Variants in FAM228B observed in about 807,000 individuals in gnomAD.
FAM228B encodes family with sequence similarity 228 member B.
Under a neutral mutation model 42.6 loss-of-function variants are expected in FAM228B, and 38 were observed. That is an observed-to-expected ratio of 0.89 (90% confidence interval 0.69 to 1.17). The LOEUF (loss-of-function observed/expected upper bound fraction) is 1.17. Ranked by LOEUF, FAM228B falls within the 50% of genes most tolerant of loss-of-function variation. FAM228B has a pLI of 0.00. For missense variants in FAM228B, 344 were observed against 367.3 expected, an observed-to-expected ratio of 0.94 and a Z score of 0.52; for synonymous variants, 109 against 122.3, an observed-to-expected ratio of 0.89 and a Z score of 0.72.
chr2:24,100,439 A>G (rs543237678), intron 3 of FAM228B, among the ~76,000 whole-genome samples: 2 of 152,308 alleles, frequency 1.3e-5, no homozygotes, highest in Non-Finnish European at 2.9e-5. Flanking sequence ...AATCCCATCA[A>G]AAAGTGGGTG....
Position 24,080,912 on chromosome 2 carries a change from T to C in FAM228B, c.-253T>C. On this transcript the variant is annotated 5_prime_UTR_variant, in exon 2 of 11. Coordinates refer to the FAM228B transcript ENST00000613899. The surrounding 1 kb of genome is among the most constrained non-coding windows in gnomAD (Gnocchi z 4.7). ...AGCTTTTCTGCCATTTGAAGCTTCT[T>C]CTGGGAGCCAGCTGTGACCAGAGGA... 1 of 1,614,214 alleles carries C rather than the reference T, an allele frequency of 6.2e-7. No individual in the cohort carries two copies. Among genetic ancestry groups the C allele is most frequent in the Non-Finnish European group, 8.5e-7 (1 of 1,180,038 alleles).
rs1422120309 is a variant in FAM228B at position 24,146,916 on chromosome 2, TA to T, written c.530-13del. 2.6e-6 allele frequency: 4 copies of T among 1,549,734 alleles called. No individual in the cohort carries two copies. In the South Asian group the frequency reaches 4.8e-5, roughly 18 times the overall value. Reference sequence around the variant, plus strand: ...ATTTAAGGATGTTAATTTAGATTTTTATTCTTCCTTCAGGCAAAATATATTC... The same window carrying T: ...ATTTAAGGATGTTAATTTAGATTTTTTTCTTCCTTCAGGCAAAATATATTC... On this transcript the variant is annotated splice_polypyrimidine_tract_variant and intron_variant, in intron 6 of 10. Transcript: ENST00000615575.
chr2:24,086,152 G>A (rs1665240227), intron 2 of FAM228B, among the ~76,000 whole-genome samples: 2 of 149,800 alleles, frequency 1.3e-5, no homozygotes, highest in Non-Finnish European at 3.0e-5. Context: ...GGAGAATGGC[G>A]TGAACCCGGG....
chr2:24,136,643 G>A (rs186876218), intron 3 of FAM228B, among the ~76,000 whole-genome samples: 3 of 152,266 alleles, frequency 2.0e-5, no homozygotes, highest in East Asian at 1.9e-4. Flanking sequence ...GATTACCGGC[G>A]TGAGCCACCG....
At chr2:24,091,451 A>C (rs986199019) in intron 2 of FAM228B, among the ~76,000 whole-genome samples, 1 of 152,194 alleles carries the variant, frequency 6.6e-6, no homozygotes, top group African/African-American at 2.4e-5. Flanking sequence ...CAAAAACAAA[A>C]AACAAACAAA....
intron 1 of FAM228B, chr2:24,079,439 C>G: frequency 6.2e-7 from 1 of 1,613,432 alleles, no homozygotes; most frequent in Non-Finnish European, 8.5e-7. Context: ...TCATTCATCA[C>G]TCACCTTATT....
chr2:24,104,049 C>T (rs765348274), intron 3 of FAM228B, among the ~76,000 whole-genome samples: 9 of 152,074 alleles, frequency 5.9e-5, no homozygotes, highest in Non-Finnish European at 1.0e-4. Flanking sequence ...AGCTGCAGGC[C>T]GATCATCTGA....
At chr2:24,155,739 C>T (rs1463556135) in intron 7 of FAM228B, among the ~76,000 whole-genome samples, 2 of 151,594 alleles carry the variant, frequency 1.3e-5, no homozygotes, top group African/African-American at 4.9e-5. Flanking sequence ...CAGGGTTTCA[C>T]CGTGTTGGCC....
chr2:24,145,690 G>A (rs544729214), intron 5 of FAM228B, among the ~76,000 whole-genome samples: 52 of 145,664 alleles, frequency 3.6e-4, no homozygotes, highest in African/African-American at 1.3e-3. Flanking sequence ...GAAAATGATA[G>A]TACCTTTTTT....
At chr2:24,103,409 G>T (rs955759566) in intron 3 of FAM228B, among the ~76,000 whole-genome samples, 1 of 152,152 alleles carries the variant, frequency 6.6e-6, no homozygotes, top group Non-Finnish European at 1.5e-5. Context: ...TGAACCATCA[G>T]GACATAAAGT....
chr2:24,087,408 T>C (rs1342905939), intron 2 of FAM228B: 1 of 152,162 alleles, frequency 6.6e-6, no homozygotes, highest in Non-Finnish European at 1.5e-5. Context: ...TATTTTGTTC[T>C]CCTGCAGAGC....
At chr2:24,141,491 G>A (rs956520564) in intron 5 of FAM228B, among the ~76,000 whole-genome samples, 7 of 152,178 alleles carry the variant, frequency 4.6e-5, no homozygotes, top group South Asian at 2.1e-4. Context: ...TGATCCACCC[G>A]CCTCGACCTC....
At position 24,169,013 on chromosome 2, in the gene FAM228B, T is replaced by C. The variant is rs767302516; in HGVS notation, c.*15-343T>C. Reference sequence around the variant, plus strand: ...AAAAGGGAAGAAAGGAACCTAGTATTTTCTAAATCACAACAATCCAAGTGG... The same window carrying C: ...AAAAGGGAAGAAAGGAACCTAGTATCTTCTAAATCACAACAATCCAAGTGG... On this transcript the variant is annotated intron_variant, in intron 10 of 10. Coordinates refer to ENST00000615575, the MANE Select transcript of FAM228B (RefSeq NM_001145710.2). The surrounding 1 kb of genome is among the most constrained non-coding windows in gnomAD (Gnocchi z 4.2). 6.6e-6 allele frequency among the ~76,000 whole-genome samples: 1 copy of C among 152,184 alleles called. No homozygotes were observed. The highest frequency in any genetic ancestry group is 1.5e-5 in the Non-Finnish European group (1 of 68,028).
intron 3 of FAM228B, among the ~76,000 whole-genome samples, chr2:24,104,524 C>G (rs1665668020): frequency 6.6e-6 from 1 of 152,226 alleles, no homozygotes; most frequent in African/African-American, 2.4e-5. Flanking sequence ...CCACTCCACC[C>G]ACCCCCACCA....
At chr2:24,139,732 A>G (rs1666702318) in intron 5 of FAM228B, among the ~76,000 whole-genome samples, 1 of 152,230 alleles carries the variant, frequency 6.6e-6, no homozygotes, top group Non-Finnish European at 1.5e-5. Context: ...TTCATGATAG[A>G]TAAATGAGAA....
chr2:24,083,288 A>G lies in FAM228B; in HGVS notation c.-210+2333A>G, dbSNP rs564534130. Reference sequence around the variant, plus strand: ...GAATGAAGTCAGGTTTTTGTAAGTAAGGAGAAGAAAAAGGAGAGGCCATTA... The same window carrying G: ...GAATGAAGTCAGGTTTTTGTAAGTAGGGAGAAGAAAAAGGAGAGGCCATTA... On this transcript the variant is annotated intron_variant, in intron 2 of 10. Coordinates refer to the FAM228B transcript ENST00000613899. The G allele has an allele frequency of 1.7e-5, 20 of 1,181,960 alleles. No individual in the cohort carries two copies. The African/African-American group carries it at 2.8e-4, about 16-fold the overall frequency. The allele number at this position is 1,181,960 out of a possible 1,614,324, so 73.2% of individuals were successfully genotyped here. A position where few individuals can be genotyped will look rare whatever the true frequency, so the allele number is the denominator to read the frequency against.
At chr2:24,121,436 A>G (rs1397207463), upstream of FAM228B, 2 of 760,366 alleles carry the variant, frequency 2.6e-6, no homozygotes, top group African/African-American at 1.8e-5. Context: ...GGGAAAAAAA[A>G]TCAAAAGAAT....
chr2:24,167,498 G>C, intron 9 of FAM228B, 129 bp from the exon 10 acceptor site: 1 of 1,179,826 alleles, frequency 8.5e-7, no homozygotes, highest in Non-Finnish European at 1.2e-6. Flanking sequence ...TTCTGTTGGG[G>C]TTGGTTCTTC....
chr2:24,094,029 C>CT (rs57620033), intron 2 of FAM228B, among the ~76,000 whole-genome samples: 809 of 77,340 alleles, frequency 0.01, 40 homozygotes, highest in Middle Eastern at 0.024. Flanking sequence ...TCGCCACATA[C>CT]TTTTTTTTTT....
Sources: gnomAD v4.1 joint callset for allele counts (sites outside exome capture counted in the v4.1 genomes callset) on GRCh38, gnomAD v4.1.1 for gene constraint, Gnocchi (gnomAD v3.1) non-coding constraint, MANE v1.5 for transcripts, NCBI Gene and HGNC (gene_info 2026-07-23, HGNC 2026-07-21) for gene names.